The following EDIL3 variants were observed in gnomAD, a reference collection of about 807,000 sequenced individuals.
EDIL3 encodes EGF-like repeat and discoidin I-like domain-containing protein 3.
Under a neutral mutation model 67.4 loss-of-function variants are expected in EDIL3, and 37 were observed. The observed-to-expected ratio is 0.55, with a 90% CI of 0.42 to 0.72. EDIL3 has a LOEUF of 0.72. Among genes scored for constraint, EDIL3 ranks in the 30% least tolerant of loss-of-function variants. The pLI is 0.00. For synonymous variants in EDIL3, 195 were observed against 196.3 expected, an observed-to-expected ratio of 0.99 and a Z score of 0.05; for missense variants, 527 against 586.3, an observed-to-expected ratio of 0.90 and a Z score of 1.04.
intron 6 of EDIL3, among the ~76,000 whole-genome samples, chr5:84,076,432 T>C (rs954911686): frequency 2.0e-5 from 3 of 152,204 alleles, no homozygotes; most frequent in African/African-American, 7.2e-5. Context: ...AGATTTTGTA[T>C]TCCTTGTGTT....
rs553042138 is a variant in EDIL3 at position 84,060,692 on chromosome 5, T to C, written c.953-208A>G. ...GATAGTCAATTCAAGCTATTTTGTC[T>C]GAATATATTTTGGAAAAATTGAAAA... On this transcript the variant is annotated intron_variant, in intron 8 of 10. Coordinates refer to ENST00000296591, the MANE Select transcript of EDIL3 (RefSeq NM_005711.5). 7.2e-4 allele frequency among the ~76,000 whole-genome samples: 110 copies of C among 152,296 alleles called. 1 individual carries two copies. The South Asian group carries it at 8.7e-3, about 12-fold the overall frequency.
intron 6 of EDIL3, among the ~76,000 whole-genome samples, chr5:84,096,989 T>G (rs1747276315): frequency 6.6e-6 from 1 of 152,200 alleles, no homozygotes; most frequent in Non-Finnish European, 1.5e-5. Context: ...TGCTCCTCCT[T>G]GCCTTCCACC....
chr5:84,204,899 C>A (rs171138), intron 3 of EDIL3, among the ~76,000 whole-genome samples: 84,466 of 151,088 alleles, frequency 0.56, 23,767 homozygotes, highest in East Asian at 0.71. Context: ...AGCCTTGATA[C>A]GTAAAATAGT....
At chr5:84,181,555 G>A (rs1183810039) in intron 3 of EDIL3, among the ~76,000 whole-genome samples, 1 of 152,048 alleles carries the variant, frequency 6.6e-6, no homozygotes, top group Admixed American at 6.6e-5. Context: ...AAAGTGACAG[G>A]CTATGTCACG....
chr5:84,292,843 C>G (rs1165813595), intron 1 of EDIL3, among the ~76,000 whole-genome samples: 1 of 152,116 alleles, frequency 6.6e-6, no homozygotes, highest in East Asian at 1.9e-4. Context: ...TTAATAACAG[C>G]CTTGCAAGAT....
At chr5:84,267,237 T>C (rs1420000568) in intron 1 of EDIL3, among the ~76,000 whole-genome samples, 2 of 152,220 alleles carry the variant, frequency 1.3e-5, no homozygotes, top group South Asian at 2.1e-4. Flanking sequence ...TTTAATATTG[T>C]TGTGTATTGC....
At chr5:84,339,614 T>G (rs954758287) in intron 1 of EDIL3, among the ~76,000 whole-genome samples, 1 of 152,158 alleles carries the variant, frequency 6.6e-6, no homozygotes, top group African/African-American at 2.4e-5. Context: ...TGTTTTTTTT[T>G]AATTTTTGAA....
At chr5:84,295,804 G>A (rs919374484) in intron 1 of EDIL3, among the ~76,000 whole-genome samples, 1 of 152,042 alleles carries the variant, frequency 6.6e-6, no homozygotes, top group African/African-American at 2.4e-5. Context: ...CATTTGCTAT[G>A]TTTTAATGGA....
intron 9 of EDIL3, among the ~76,000 whole-genome samples, chr5:84,025,816 G>A (rs946738034): frequency 6.6e-6 from 1 of 152,062 alleles, no homozygotes; most frequent in African/African-American, 2.4e-5. Flanking sequence ...ATTATTTTAG[G>A]GATACTCTAA....
At chr5:83,992,716 C>A (rs1019503900) in intron 9 of EDIL3, among the ~76,000 whole-genome samples, 3 of 151,994 alleles carry the variant, frequency 2.0e-5, no homozygotes. Flanking sequence ...TCAAACTAAT[C>A]ACAGCACGAA....
Position 84,254,109 on chromosome 5 carries a change from G to T in EDIL3, c.171C>A (p.Pro57=). ...SCECPDGFTD[P]NCSSVVEVAS... ...CAACCTCCACAACACTAGAACAGTT[G>T]GGGTCTGTGAAGCCATCTGGACACT... Residue 57 remains proline (P), a synonymous_variant, in exon 2 of 11, where the codon CCC becomes CCA. Transcript: ENST00000296591. 2 of 1,611,198 alleles carry T rather than the reference G, an allele frequency of 1.2e-6. No individual in the cohort carries two copies. The highest frequency in any genetic ancestry group is 1.7e-6 in the Non-Finnish European group (2 of 1,178,706).
intron 1 of EDIL3, among the ~76,000 whole-genome samples, chr5:84,314,615 C>T (rs1316766582): frequency 1.3e-5 from 2 of 152,158 alleles, no homozygotes; most frequent in Non-Finnish European, 2.9e-5. Context: ...ATCAATCTTC[C>T]TTCCAAAACA....
chr5:84,234,901 T>G lies in EDIL3; in HGVS notation c.197-5017A>C, dbSNP rs185436286. Among the ~76,000 whole-genome samples the G allele has an allele frequency of 3.7e-3, 557 of 152,302 alleles. 5 individuals are homozygous for G. Among genetic ancestry groups the G allele is most frequent in the African/African-American group, 0.013 (537 of 41,572 alleles). Reference sequence around the variant, plus strand: ...ACAATGTTTTATTCAACTGCAGTGATGCAAAAATAGCAATCATGATATTTA... The same window carrying G: ...ACAATGTTTTATTCAACTGCAGTGAGGCAAAAATAGCAATCATGATATTTA... On this transcript the variant is annotated intron_variant, in intron 2 of 10. Transcript: ENST00000296591.
At chr5:84,052,940 G>C (rs1280964144) in intron 9 of EDIL3, among the ~76,000 whole-genome samples, 1 of 152,154 alleles carries the variant, frequency 6.6e-6, no homozygotes, top group Non-Finnish European at 1.5e-5. Flanking sequence ...ATTGAATTCA[G>C]CTCTGCACCA....
At chr5:84,215,295 C>T (rs1413159426) in intron 3 of EDIL3, among the ~76,000 whole-genome samples, 1 of 151,980 alleles carries the variant, frequency 6.6e-6, no homozygotes, top group Non-Finnish European at 1.5e-5. Context: ...GCTCTGTCGC[C>T]CAGGCTGGAG....
chr5:83,984,951 CCA>C (rs6149090), intron 9 of EDIL3, among the ~76,000 whole-genome samples: 74,907 of 149,594 alleles, frequency 0.5, 18,777 homozygotes, highest in South Asian at 0.55. Flanking sequence ...CAAACATACA[CCA>C]CACACACACA....
chr5:84,058,875 C>T (rs527610738), intron 9 of EDIL3, among the ~76,000 whole-genome samples: 1 of 152,198 alleles, frequency 6.6e-6, no homozygotes, highest in Admixed American at 6.5e-5. Context: ...GTAAGCACTG[C>T]TACTTATAAG....
At chr5:84,152,540 T>A (rs2112331352) in intron 4 of EDIL3, among the ~76,000 whole-genome samples, 1 of 152,354 alleles carries the variant, frequency 6.6e-6, no homozygotes, top group South Asian at 2.1e-4. Context: ...GAAAAAATGT[T>A]TAGTTCCTTT....
chr5:84,009,105 C>A (rs1474436761), intron 9 of EDIL3, among the ~76,000 whole-genome samples: 1 of 152,212 alleles, frequency 6.6e-6, no homozygotes, highest in Non-Finnish European at 1.5e-5. Flanking sequence ...AGCCACCGCA[C>A]ATGGCCACTT....
Sources: allele counts gnomAD v4.1 joint callset (sites outside exome capture counted in the v4.1 genomes callset), GRCh38; gene constraint gnomAD v4.1.1; transcripts MANE v1.5; gene names NCBI Gene and HGNC (gene_info 2026-07-23, HGNC 2026-07-21).